DNAI3: variants seen among roughly 807,000 people sequenced by gnomAD.
The protein encoded by DNAI3 is dynein axonemal intermediate chain 3.
Under a neutral mutation model 115.5 loss-of-function variants are expected in DNAI3, and 83 were observed. The ratio of observed to expected loss-of-function variants is 0.72; its 90% confidence interval spans 0.60 to 0.86. DNAI3 has a LOEUF of 0.86. Ranked by LOEUF, DNAI3 falls within the 40% of genes least tolerant of loss-of-function variation. The pLI, the probability that DNAI3 is intolerant of heterozygous loss-of-function variation, is 0.00. For synonymous variants in DNAI3, 320 were observed against 347.0 expected (o/e 0.92, Z 0.86); for missense variants, 1,004 against 1,075.8 (o/e 0.93, Z 0.93).
At chr1:85,109,429 G>C (rs923817534) in intron 15 of DNAI3, among the ~76,000 whole-genome samples, 1 of 152,212 alleles carries the variant, frequency 6.6e-6, no homozygotes. Context: ...CTGGGGGTAG[G>C]ATCTACTGAG....
chr1:85,129,680 T>C (rs1262046274), intron 21 of DNAI3, among the ~76,000 whole-genome samples: 2 of 152,160 alleles, frequency 1.3e-5, no homozygotes, highest in Non-Finnish European at 2.9e-5. Flanking sequence ...CAACCCTACT[T>C]TGGAAACCTC....
chr1:85,128,476 A>G (rs1228495457), intron 20 of DNAI3, among the ~76,000 whole-genome samples: 6 of 152,212 alleles, frequency 3.9e-5, no homozygotes, highest in Non-Finnish European at 8.8e-5. Context: ...GTTTTGAGGC[A>G]GCAGGGGAAC....
chr1:85,116,803 G>A (rs560415765), intron 16 of DNAI3, among the ~76,000 whole-genome samples: 2 of 152,048 alleles, frequency 1.3e-5, no homozygotes, highest in South Asian at 2.1e-4. Flanking sequence ...TTTGATACTC[G>A]TTTTTGATGT....
At chr1:85,105,930 G>A (rs1324107199) in intron 14 of DNAI3, among the ~76,000 whole-genome samples, 1 of 152,196 alleles carries the variant, frequency 6.6e-6, no homozygotes, top group Non-Finnish European at 1.5e-5. Context: ...ATGTAATGGA[G>A]AACGGGGTGG....
chr1:85,107,436 A>G (rs933315393), intron 14 of DNAI3, among the ~76,000 whole-genome samples: 38 of 152,352 alleles, frequency 2.5e-4, no homozygotes, highest in African/African-American at 8.4e-4. Context: ...TGCCAGCCAC[A>G]ACACAAATGA....
intron 17 of DNAI3, among the ~76,000 whole-genome samples, chr1:85,120,362 GA>G (rs547901964): frequency 4.2e-4 from 64 of 152,358 alleles, no homozygotes; most frequent in African/African-American, 1.4e-3. Context: ...GCCCAGAAAT[GA>G]AAAGGGCCTG....
In DNAI3 at chr1:85,081,263, A is replaced by G; in HGVS notation, c.133A>G (p.Thr45Ala). The G allele has an allele frequency of 1.3e-6, 2 of 1,595,184 alleles. No individual in the cohort carries two copies. The highest frequency in any genetic ancestry group is 1.7e-6 in the Non-Finnish European group (2 of 1,174,700). ...TCCAGAAATTTATCCTTTAGTATTAACCACCAAGACCCAAGAAATATTTAA... is the reference window on the plus strand; with the variant it reads ...TCCAGAAATTTATCCTTTAGTATTAGCCACCAAGACCCAAGAAATATTTAA... ...GHPEIYPLVLTTKTQEIFNCR... is the reference protein window; with the variant it reads ...GHPEIYPLVLATKTQEIFNCR... Residue 45 changes from threonine (T) to alanine (A), a missense_variant, in exon 4 of 23, where the codon ACC becomes GCC. Physicochemically the swap from Thr to Ala is moderately conservative, Grantham distance 58 (BLOSUM62 0). Transcript: ENST00000294664.
intron 1 of DNAI3, among the ~76,000 whole-genome samples, chr1:85,063,785 C>CAG (rs1654011890): frequency 6.6e-6 from 1 of 152,090 alleles, no homozygotes; most frequent in Non-Finnish European, 1.5e-5. Context: ...AGAACAGAGG[C>CAG]AGAGAGGCCA....
intron 13 of DNAI3, among the ~76,000 whole-genome samples, 159 bp from the exon 14 acceptor site, chr1:85,104,365 C>A (rs965543708): frequency 5.3e-5 from 8 of 152,212 alleles, no homozygotes; most frequent in Admixed American, 1.3e-4. Context: ...CGTGATCCTC[C>A]CTGCCTCAGC....
In DNAI3 at chr1:85,070,111, A is replaced by C. The variant is rs562227198; in HGVS notation, c.-14-1817A>C. On this transcript the variant is annotated intron_variant, in intron 1 of 22. Transcript: ENST00000294664. ...CCCCGTCTCTACTAAAAATACAAAA[A>C]TTAGCCGGGCGTGCTGGCGTGCACC... Among the ~76,000 whole-genome samples, 5 of 152,224 alleles carry C rather than the reference A, an allele frequency of 3.3e-5. No homozygotes were observed. The East Asian group carries it at 9.7e-4, about 30-fold the overall frequency.
At chr1:85,064,947 C>T (rs1300377530) in intron 1 of DNAI3, among the ~76,000 whole-genome samples, 1 of 152,106 alleles carries the variant, frequency 6.6e-6, no homozygotes, top group Non-Finnish European at 1.5e-5. Context: ...GCAGGAGAAT[C>T]GCTTGAACCC....
intron 18 of DNAI3, among the ~76,000 whole-genome samples, chr1:85,123,659 A>G (rs1656050128): frequency 1.3e-5 from 2 of 152,164 alleles, no homozygotes; most frequent in South Asian, 2.1e-4. Context: ...TACTTGTAAT[A>G]TTTTTTCCTT....
At chr1:85,110,169 A>AT in intron 16 of DNAI3, 34 bp downstream of exon 16, 4 of 1,485,622 alleles carry the variant, frequency 2.7e-6, no homozygotes, top group Non-Finnish European at 3.7e-6. Context: ...AAAAAAAAAA[A>AT]GGCCGGGCGC....
intron 19 of DNAI3, among the ~76,000 whole-genome samples, chr1:85,126,190 G>A (rs756011253): frequency 2.6e-5 from 4 of 152,198 alleles, no homozygotes; most frequent in Admixed American, 2.6e-4. Flanking sequence ...CTTGTCTAAT[G>A]TCCACCAATT....
intron 19 of DNAI3, among the ~76,000 whole-genome samples, chr1:85,125,019 A>G (rs970134975): frequency 1.3e-5 from 2 of 152,160 alleles, no homozygotes; most frequent in African/African-American, 4.8e-5. Context: ...AGGGACATAC[A>G]GTAGTTAAAG....
intron 14 of DNAI3, among the ~76,000 whole-genome samples, 165 bp downstream of exon 14, chr1:85,104,762 T>C (rs1489374788): frequency 6.6e-6 from 1 of 152,232 alleles, no homozygotes; most frequent in African/African-American, 2.4e-5. Context: ...TAAAAATTGT[T>C]TTATAGAGTT....
intron 19 of DNAI3, among the ~76,000 whole-genome samples, chr1:85,125,670 A>G (rs1300033866): frequency 6.6e-6 from 1 of 152,210 alleles, no homozygotes; most frequent in African/African-American, 2.4e-5. Context: ...AGAAGTAGAC[A>G]AGGAGAACAA....
chr1:85,103,626 C>A (rs1268576726), intron 13 of DNAI3, among the ~76,000 whole-genome samples: 4 of 152,048 alleles, frequency 2.6e-5, no homozygotes, highest in South Asian at 2.1e-4. Context: ...ATGGCTCATG[C>A]CTCTAATCCC....
intron 1 of DNAI3, among the ~76,000 whole-genome samples, chr1:85,067,302 GAAGTC>G (rs1654130821): frequency 6.6e-6 from 1 of 152,196 alleles, no homozygotes; most frequent in African/African-American, 2.4e-5. Flanking sequence ...AATTTAGACA[GAAGTC>G]AATTAACATT....
Sources: allele counts gnomAD v4.1 joint callset (sites outside exome capture counted in the v4.1 genomes callset), GRCh38; gene constraint gnomAD v4.1.1; transcripts MANE v1.5; gene names NCBI Gene and HGNC (gene_info 2026-07-23, HGNC 2026-07-21).